UST: variants seen among roughly 807,000 people sequenced by gnomAD.
The protein encoded by UST is uronyl 2-sulfotransferase.
In UST, 21 loss-of-function variants were observed where a neutral mutation model predicts 45.6. The ratio of observed to expected loss-of-function variants is 0.46; its 90% confidence interval spans 0.33 to 0.66. The LOEUF is 0.66. UST is among the 30% of genes least tolerant of loss of function. The pLI, the probability that UST is intolerant of heterozygous loss-of-function variation, is 0.02. For synonymous variants in UST, 215 were observed against 200.6 expected (o/e 1.07, Z -0.61); for missense variants, 463 against 512.4 (o/e 0.90, Z 0.93).
intron 5 of UST, 103 bp downstream of exon 5, chr6:148,964,666 C>T (rs1349873966): frequency 5.5e-6 from 8 of 1,460,634 alleles, no homozygotes; most frequent in Admixed American, 2.0e-5. Flanking sequence ...CTCCTTGGCG[C>T]CTCCATGGAG....
intron 5 of UST, among the ~76,000 whole-genome samples, chr6:149,016,428 G>A (rs1057224080): frequency 2.6e-5 from 4 of 152,180 alleles, no homozygotes; most frequent in Non-Finnish European, 5.9e-5. Flanking sequence ...AAATGGAAGA[G>A]GTGTCTGCTT....
chr6:148,751,155 A>G (rs928328370), intron 1 of UST, among the ~76,000 whole-genome samples: 4 of 152,350 alleles, frequency 2.6e-5, no homozygotes, highest in South Asian at 2.1e-4. Flanking sequence ...TTTGAGAGAA[A>G]GGAGGAATGT....
At chr6:148,988,853 C>T (rs1039025065) in intron 5 of UST, among the ~76,000 whole-genome samples, 1 of 152,166 alleles carries the variant, frequency 6.6e-6, no homozygotes, top group Non-Finnish European at 1.5e-5. Flanking sequence ...CTCTCCTTCT[C>T]CTCCTTGTCC....
rs565296805 is a variant in UST at position 149,048,899 on chromosome 6, C to T, written c.938-24934C>T. 1.4e-4 allele frequency among the ~76,000 whole-genome samples: 22 copies of T among 152,244 alleles called. No homozygotes were observed. The South Asian group carries it at 4.4e-3, about 30-fold the overall frequency. ...CGATGATGAGGATGAAGAGAAATGGCGCCTCAGGAGACTCCTAGAGGGAGA... is the reference window on the plus strand; with the variant it reads ...CGATGATGAGGATGAAGAGAAATGGTGCCTCAGGAGACTCCTAGAGGGAGA... On this transcript the variant is annotated intron_variant, in intron 7 of 7. Coordinates refer to ENST00000367463, the MANE Select transcript of UST (RefSeq NM_005715.3).
chr6:148,831,666 A>G (rs1289540054), intron 1 of UST, among the ~76,000 whole-genome samples: 2 of 152,184 alleles, frequency 1.3e-5, no homozygotes, highest in Non-Finnish European at 2.9e-5. Context: ...GCGGTGGCTC[A>G]TGCATGTGGT....
At chr6:148,982,838 G>T (rs547110252) in intron 5 of UST, among the ~76,000 whole-genome samples, 2 of 152,224 alleles carry the variant, frequency 1.3e-5, no homozygotes, top group East Asian at 1.9e-4. Context: ...TTTCAAAAAG[G>T]TTTCCTTTTC....
At chr6:148,983,934 G>A (rs150115467) in intron 5 of UST, among the ~76,000 whole-genome samples, 76 of 152,190 alleles carry the variant, frequency 5.0e-4, no homozygotes, top group Middle Eastern at 6.8e-3. Context: ...ACAAACACAC[G>A]ATAACATCGA....
intron 1 of UST, among the ~76,000 whole-genome samples, chr6:148,803,528 T>G (rs1181587001): frequency 2.0e-5 from 3 of 152,190 alleles, no homozygotes; most frequent in Non-Finnish European, 4.4e-5. Flanking sequence ...CAAAATTATC[T>G]CCCGTAGGTT....
At chr6:148,781,096 C>T (rs9377157) in intron 1 of UST, among the ~76,000 whole-genome samples, 75,711 of 151,904 alleles carry the variant, frequency 0.5, 19,122 homozygotes, top group East Asian at 0.65. Flanking sequence ...GCACATTTCT[C>T]ACCTTAAATA....
intron 1 of UST, among the ~76,000 whole-genome samples, chr6:148,781,880 G>C (rs146309144): frequency 4.6e-5 from 7 of 152,246 alleles, no homozygotes; most frequent in African/African-American, 1.7e-4. Flanking sequence ...TAAGCCCATT[G>C]TTGGGCTTTA....
At chr6:148,793,659 A>G (rs1226722576) in intron 1 of UST, among the ~76,000 whole-genome samples, 1 of 152,182 alleles carries the variant, frequency 6.6e-6, no homozygotes, top group Non-Finnish European at 1.5e-5. Flanking sequence ...TTTCTAAGCC[A>G]TAGGACTTTT....
chr6:148,895,844 CTT>C (rs1377712811), intron 2 of UST, among the ~76,000 whole-genome samples: 5 of 152,194 alleles, frequency 3.3e-5, no homozygotes. Flanking sequence ...TTGGGTATGT[CTT>C]TATCAGCAGT....
chr6:149,049,821 T>C (rs1441576951), intron 7 of UST, among the ~76,000 whole-genome samples: 1 of 152,058 alleles, frequency 6.6e-6, no homozygotes, highest in East Asian at 1.9e-4. Flanking sequence ...CTCTCTAAGA[T>C]ATCTAACCTC....
intron 5 of UST, among the ~76,000 whole-genome samples, chr6:148,973,595 T>G (rs537944395): frequency 6.6e-6 from 1 of 152,386 alleles, no homozygotes; most frequent in East Asian, 1.9e-4. Flanking sequence ...AGTAAAAAAC[T>G]AATGGCTCCA....
chr6:149,018,749 A>G (rs769616466), intron 5 of UST, among the ~76,000 whole-genome samples: 1 of 152,222 alleles, frequency 6.6e-6, no homozygotes, highest in Non-Finnish European at 1.5e-5. Flanking sequence ...GAGAAGCCCT[A>G]AATTCATGCA....
intron 1 of UST, among the ~76,000 whole-genome samples, chr6:148,864,112 C>T (rs886744816): frequency 6.6e-6 from 1 of 152,212 alleles, no homozygotes; most frequent in African/African-American, 2.4e-5. Context: ...GTGGAGTCTA[C>T]AGAGGCAGGC....
At chr6:148,881,491 C>A (rs1485874858) in intron 1 of UST, among the ~76,000 whole-genome samples, 1 of 152,326 alleles carries the variant, frequency 6.6e-6, no homozygotes, top group South Asian at 2.1e-4. Flanking sequence ...AATGTCCTGC[C>A]TGGCACAGTG....
intron 2 of UST, among the ~76,000 whole-genome samples, chr6:148,935,168 G>A (rs191767984): frequency 1.3e-5 from 2 of 152,294 alleles, no homozygotes; most frequent in Admixed American, 6.5e-5. Context: ...TATCTGGCAC[G>A]CTCCACACAG....
intron 2 of UST, among the ~76,000 whole-genome samples, chr6:148,913,199 C>T (rs1455157720): frequency 6.6e-6 from 1 of 152,168 alleles, no homozygotes; most frequent in African/African-American, 2.4e-5. Context: ...AAACTAATAG[C>T]TTAAGCAAGG....
Sources: gnomAD v4.1 joint callset for allele counts (sites outside exome capture counted in the v4.1 genomes callset) on GRCh38, gnomAD v4.1.1 for gene constraint, MANE v1.5 for transcripts, NCBI Gene and HGNC (gene_info 2026-07-23, HGNC 2026-07-21) for gene names.